The following ROBO2 variants were observed in gnomAD, a reference collection of about 807,000 sequenced individuals.
ROBO2 encodes the protein roundabout guidance receptor 2.
Under a neutral mutation model 160.8 loss-of-function variants are expected in ROBO2, and 53 were observed. That is an observed-to-expected ratio of 0.33 (90% confidence interval 0.26 to 0.41). The LOEUF is 0.41. Ranked by LOEUF, ROBO2 falls within the 10% of genes least tolerant of loss-of-function variation. ROBO2 has a pLI of 1.00. For missense variants in ROBO2, 1,577 were observed against 1,722.4 expected (o/e 0.92, Z 1.49); for synonymous variants, 664 against 611.7 (o/e 1.09, Z -1.26).
At chr3:76,775,486 T>A (rs139208129) in intron 2 of ROBO2, among the ~76,000 whole-genome samples, 1 of 150,998 alleles carries the variant, frequency 6.6e-6, no homozygotes, top group African/African-American at 2.4e-5. Context: ...TTAATTGAAA[T>A]CTAAAAATTA....
intron 2 of ROBO2, among the ~76,000 whole-genome samples, chr3:76,050,093 G>A (rs1369833179): frequency 6.6e-6 from 1 of 152,116 alleles, no homozygotes; most frequent in Non-Finnish European, 1.5e-5. Context: ...GTCTTTGAGG[G>A]TATTGCCAAA....
At position 77,617,673 on chromosome 3, in the gene ROBO2, A is replaced by G. The variant is rs376708707; in HGVS notation, c.3454A>G (p.Thr1152Ala). ...CTCCTTTGGACAGCAGTCCACTGCAACTCTTACTCCATCCCCACGGGAAGA... is the reference window on the plus strand; with the variant it reads ...CTCCTTTGGACAGCAGTCCACTGCAGCTCTTACTCCATCCCCACGGGAAGA... The change falls in exon 22 of 26, where the codon ACT becomes GCT. Residue 1152 changes from threonine (T) to alanine (A), a missense_variant. Around this residue, in one of 2 missense-constraint regions of ROBO2, gnomAD observed 637 missense variants for 586.9 expected, o/e 1.09. Transcript: ENST00000461745. The G allele has an allele frequency of 3.2e-5, 51 of 1,613,798 alleles. No homozygotes were observed. Among genetic ancestry groups the G allele is most frequent in the Middle Eastern group, 3.3e-4 (2 of 6,064 alleles).
At chr3:75,907,398 T>G (rs1248520217) in intron 1 of ROBO2, among the ~76,000 whole-genome samples, 1 of 151,888 alleles carries the variant, frequency 6.6e-6, no homozygotes, top group African/African-American at 2.4e-5. Context: ...TCTCTAAGTT[T>G]GGGGGTGGGG....
Position 77,384,101 on chromosome 3 carries a change from A to G in ROBO2, c.389-93313A>G, listed in dbSNP as rs1338657801. On this transcript the variant is annotated intron_variant, in intron 2 of 25. Transcript: ENST00000461745. ...ACAAATAAACCTAAAAAGCATGGTG[A>G]GTTTTTTCATATATACTCTTTAAAC... 2.6e-5 allele frequency among the ~76,000 whole-genome samples: 4 copies of G among 152,166 alleles called. No individual in the cohort carries two copies. In the East Asian group the frequency reaches 7.7e-4, roughly 29 times the overall value.
At chr3:76,937,575 T>C (rs2077791903) in intron 2 of ROBO2, among the ~76,000 whole-genome samples, 2 of 151,580 alleles carry the variant, frequency 1.3e-5, no homozygotes, top group South Asian at 4.1e-4. Flanking sequence ...TAAAATAAAA[T>C]AGTAATCTAT....
chr3:77,502,014 T>A (rs886449854), intron 5 of ROBO2, among the ~76,000 whole-genome samples: 1 of 152,164 alleles, frequency 6.6e-6, no homozygotes, highest in Non-Finnish European at 1.5e-5. Flanking sequence ...AGAAATAATC[T>A]AAGCATTTTA....
At chr3:77,430,183 T>A (rs2078631417) in intron 2 of ROBO2, among the ~76,000 whole-genome samples, 1 of 152,060 alleles carries the variant, frequency 6.6e-6, no homozygotes, top group South Asian at 2.1e-4. Flanking sequence ...GAGTAAAGGC[T>A]AAAGATTGGA....
At chr3:77,593,342 ATTAT>A (rs2094222441) in intron 17 of ROBO2, among the ~76,000 whole-genome samples, 1 of 152,020 alleles carries the variant, frequency 6.6e-6, no homozygotes, top group Non-Finnish European at 1.5e-5. Flanking sequence ...TTTTGCATTA[ATTAT>A]TTCAGATTAA....
chr3:76,677,957 G>GGTTTTTTTTT (rs1337363967), intron 2 of ROBO2, among the ~76,000 whole-genome samples: 1 of 46,088 alleles, frequency 2.2e-5, no homozygotes, highest in Non-Finnish European at 4.2e-5. Context: ...AAGAAAATAT[G>GGTTTTTTTTT]CTTTTTTTTT....
chr3:77,029,505 C>T (rs2063180765), intron 2 of ROBO2, among the ~76,000 whole-genome samples: 1 of 152,144 alleles, frequency 6.6e-6, no homozygotes, highest in Non-Finnish European at 1.5e-5. Flanking sequence ...CGACTTAAGT[C>T]TTCTATTTGC....
At position 76,222,978 on chromosome 3, in the gene ROBO2, T is replaced by C. The variant is rs138752196; in HGVS notation, c.109+285376T>C. On this transcript the variant is annotated intron_variant, in intron 2 of 26. Coordinates refer to the ROBO2 transcript ENST00000487694. ...CCGTATTAGTCAGGCTGGTCTCAAG[T>C]TCCTTACCTCAGGTTATCTGCCCGC... is the stretch of plus-strand genomic sequence containing the variant. Among the ~76,000 whole-genome samples the C allele has an allele frequency of 1.1e-3, 165 of 151,936 alleles. 1 individual carries two copies. The highest frequency in any genetic ancestry group is 3.8e-3 in the African/African-American group (156 of 41,470).
chr3:76,286,460 A>G (rs1708509939), intron 2 of ROBO2, among the ~76,000 whole-genome samples: 1 of 152,166 alleles, frequency 6.6e-6, no homozygotes, highest in South Asian at 2.1e-4. Flanking sequence ...ATGCATAATC[A>G]TTGAAGAATG....
chr3:77,403,630 A>C, intron 2 of ROBO2, among the ~76,000 whole-genome samples: 1 of 124,266 alleles, frequency 8.0e-6, no homozygotes, highest in African/African-American at 3.1e-5. Context: ...TTTTTTTTTT[A>C]TCCATTCATT....
At chr3:76,654,913 G>GTAAA (rs2091429384) in intron 2 of ROBO2, among the ~76,000 whole-genome samples, 1 of 74,186 alleles carries the variant, frequency 1.3e-5, no homozygotes, top group African/African-American at 4.9e-5. Flanking sequence ...ATATGTGTGT[G>GTAAA]TATATATATA....
At chr3:76,262,306 T>C (rs141070959) in intron 2 of ROBO2, among the ~76,000 whole-genome samples, 2,195 of 152,150 alleles carry the variant, frequency 0.014, 45 homozygotes, top group African/African-American at 0.049. Context: ...CTTTTTTTTT[T>C]CCCCATCAAT....
intron 2 of ROBO2, among the ~76,000 whole-genome samples, chr3:77,170,872 AT>A (rs1374928228): frequency 6.6e-6 from 1 of 152,178 alleles, no homozygotes; most frequent in Non-Finnish European, 1.5e-5. Flanking sequence ...ATTAAAGTGA[AT>A]AATGACCACA....
intron 2 of ROBO2, among the ~76,000 whole-genome samples, chr3:77,163,300 A>G (rs533298964): frequency 6.6e-6 from 1 of 152,354 alleles, no homozygotes; most frequent in South Asian, 2.1e-4. Flanking sequence ...CATCAAGAAT[A>G]AAGAATCTAT....
intron 2 of ROBO2, among the ~76,000 whole-genome samples, chr3:76,969,101 A>G (rs7643047): frequency 0.83 from 126,167 of 152,116 alleles, 52,947 homozygotes; most frequent in African/African-American, 0.96. Context: ...TTAACTGTTT[A>G]TAAGCTGCAG....
intron 2 of ROBO2, among the ~76,000 whole-genome samples, chr3:76,735,384 A>G (rs1235736217): frequency 6.6e-6 from 1 of 152,184 alleles, no homozygotes; most frequent in African/African-American, 2.4e-5. Context: ...AGAGCAAAAC[A>G]TTGTGTATTC....
Sources: allele counts gnomAD v4.1 joint callset (sites outside exome capture counted in the v4.1 genomes callset), GRCh38; gene constraint gnomAD v4.1.1; regional missense constraint gnomAD v4.1.1; transcripts MANE v1.5; gene names NCBI Gene and HGNC (gene_info 2026-07-23, HGNC 2026-07-21).